RNMT: variants seen among roughly 807,000 people sequenced by gnomAD.
RNMT encodes the protein mRNA cap guanine-N(7) methyltransferase.
A neutral mutation model predicts 56.0 loss-of-function variants in RNMT; 27 were observed. That is an observed-to-expected ratio of 0.48 (90% CI 0.36 to 0.67). RNMT has a LOEUF of 0.67. Ranked by LOEUF, RNMT falls within the 30% of genes least tolerant of loss-of-function variation. RNMT has a pLI of 0.00. For synonymous variants in RNMT, 184 were observed against 176.2 expected (o/e 1.04, Z -0.35); for missense variants, 519 against 552.1 (o/e 0.94, Z 0.60).
At chr18:13,734,825 A>G (rs969425905) in intron 4 of RNMT, among the ~76,000 whole-genome samples, 3 of 152,204 alleles carry the variant, frequency 2.0e-5, no homozygotes, top group Non-Finnish European at 4.4e-5. Context: ...ACCTAGTACT[A>G]TTAAGTAATG....
chr18:13,752,449 T>C, intron 10 of RNMT, 22 bp downstream of exon 10: 1 of 1,404,536 alleles, frequency 7.1e-7, no homozygotes, highest in Non-Finnish European at 1.0e-6. Flanking sequence ...TTTATGAAAG[T>C]ATTTTATAGA....
intron 9 of RNMT, among the ~76,000 whole-genome samples, chr18:13,749,358 T>A (rs556870119): frequency 7.1e-4 from 108 of 152,320 alleles, no homozygotes; most frequent in African/African-American, 2.6e-3. Flanking sequence ...TAGAGCCCTT[T>A]GTTGGGATGT....
chr18:13,762,967 G>T lies in RNMT; in HGVS notation c.*2988G>T, dbSNP rs2044638044. The T allele has an allele frequency of 2.6e-6, 1 of 387,280 alleles. No individual in the cohort carries two copies. The highest frequency in any genetic ancestry group is 2.1e-5 in the African/African-American group (1 of 47,432). 24.0% of individuals were successfully genotyped at this position (387,280 alleles called of 1,614,324 possible). A position where few individuals can be genotyped will look rare whatever the true frequency, so the allele number is the denominator to read the frequency against. ...TTTTTTGTTGAAAAACTGACTTTCTGTTGTCTACCTCAGGCCTTGTGCATT... is the reference window on the plus strand; with the variant it reads ...TTTTTTGTTGAAAAACTGACTTTCTTTTGTCTACCTCAGGCCTTGTGCATT... On this transcript the variant is annotated 3_prime_UTR_variant, in exon 12 of 12. Transcript: ENST00000383314.
chr18:13,763,489 C>A lies in RNMT; in HGVS notation c.*3510C>A, dbSNP rs1007982313. 2 of 178,956 alleles carry A rather than the reference C, an allele frequency of 1.1e-5. No individual in the cohort carries two copies. The highest frequency in any genetic ancestry group is 4.7e-5 in the African/African-American group (2 of 43,002). The allele number at this position is 178,956 out of a possible 1,614,324, so 11.1% of individuals were successfully genotyped here. A position where few individuals can be genotyped will look rare whatever the true frequency, so the allele number is the denominator to read the frequency against. On this transcript the variant is annotated 3_prime_UTR_variant, in exon 12 of 12. Coordinates refer to ENST00000383314, the MANE Select transcript of RNMT (RefSeq NM_003799.3). The stretch of plus-strand genomic sequence containing the variant: ...GGAGACTTGAGCAAGCCCTAAAGTC[C>A]CCTGCTCCCTGGACTTCTCCTGGGT...
At position 13,751,147 on chromosome 18, in the gene RNMT, T is replaced by C. The variant is rs546902350; in HGVS notation, c.1258-1179T>C. On this transcript the variant is annotated intron_variant, in intron 9 of 11. Transcript: ENST00000383314. The stretch of plus-strand genomic sequence containing the variant: ...AATTAAACTAAATTAGATGTACTTA[T>C]GCACAGCAAAAGAAACTATCATCAG... Among the ~76,000 whole-genome samples the C allele has an allele frequency of 3.3e-5, 5 of 152,306 alleles. No homozygotes were observed. The East Asian group carries it at 5.8e-4, about 18-fold the overall frequency.
At chr18:13,747,249 T>C (rs558148348) in intron 9 of RNMT, among the ~76,000 whole-genome samples, 161 of 150,578 alleles carry the variant, frequency 1.1e-3, no homozygotes, top group African/African-American at 3.8e-3. Context: ...AATGACAGGA[T>C]CTCGCTCTGT....
At chr18:13,745,434 T>C (rs147008275) in intron 8 of RNMT, among the ~76,000 whole-genome samples, 128 of 152,286 alleles carry the variant, frequency 8.4e-4, no homozygotes, top group Admixed American at 4.8e-3. Context: ...GAAATTGATG[T>C]TTTCTAGGTA....
intron 8 of RNMT, 55 bp downstream of exon 8, chr18:13,742,707 G>T: frequency 7.7e-7 from 1 of 1,299,744 alleles, no homozygotes. Context: ...GGAAAGAAAA[G>T]CGGGGAAAAG....
chr18:13,752,361 T>G lies in RNMT; in HGVS notation c.1293T>G (p.Ser431=), dbSNP rs780137989. 3 of 1,613,320 alleles carry G rather than the reference T, an allele frequency of 1.9e-6. No individual in the cohort carries two copies. Among genetic ancestry groups the G allele is most frequent in the Non-Finnish European group, 2.5e-6 (3 of 1,179,374 alleles). ...YPANESSKLV[S]EKVDDYEHAA... ...CAAATGAGAGTTCTAAACTTGTCTCTGAGAAGGTGGATGACTATGAACATG... is the reference window on the plus strand; with the variant it reads ...CAAATGAGAGTTCTAAACTTGTCTCGGAGAAGGTGGATGACTATGAACATG... The change falls in exon 10 of 12, where the codon TCT becomes TCG. Residue 431 remains serine (S), a synonymous_variant. Coordinates refer to ENST00000383314, the MANE Select transcript of RNMT (RefSeq NM_003799.3).
At chr18:13,734,069 G>A (rs990080438) in intron 3 of RNMT, among the ~76,000 whole-genome samples, 7 of 152,122 alleles carry the variant, frequency 4.6e-5, no homozygotes, top group Admixed American at 2.6e-4. Flanking sequence ...TAAGTCTCAC[G>A]AGATCTGATG....
At chr18:13,728,634 C>T (rs2044015406) in intron 1 of RNMT, among the ~76,000 whole-genome samples, 1 of 152,024 alleles carries the variant, frequency 6.6e-6, no homozygotes, top group Non-Finnish European at 1.5e-5. Flanking sequence ...CCGTGACGGC[C>T]TCAGCATCCA....
At chr18:13,751,185 A>G (rs1013978741) in intron 9 of RNMT, among the ~76,000 whole-genome samples, 2 of 152,246 alleles carry the variant, frequency 1.3e-5, no homozygotes, top group African/African-American at 2.4e-5. Context: ...TGAACAGGCA[A>G]CCTACAGAAT....
chr18:13,760,956 G>A lies in RNMT; in HGVS notation c.*977G>A, dbSNP rs2044612146. ...CTGCTTTTCCAAAACTGGTACTTAT[G>A]TGAACTGTTGTCCTTGCTTTACACC... On this transcript the variant is annotated 3_prime_UTR_variant, in exon 12 of 12. Coordinates refer to ENST00000383314, the MANE Select transcript of RNMT (RefSeq NM_003799.3). 2.0e-6 allele frequency: 2 copies of A among 985,292 alleles called. No individual in the cohort carries two copies. The highest frequency in any genetic ancestry group is 6.1e-5 in the Admixed American group (1 of 16,264). 61.0% of individuals were successfully genotyped at this position (985,292 alleles called of 1,614,324 possible). A position where few individuals can be genotyped will look rare whatever the true frequency, so the allele number is the denominator to read the frequency against.
chr18:13,726,975 CGAA>C (rs2043966540), intron 1 of RNMT: 1 of 152,266 alleles, frequency 6.6e-6, no homozygotes, highest in Admixed American at 6.5e-5. Flanking sequence ...AGAAGCAGCT[CGAA>C]GAGCTGCTCC....
At chr18:13,741,164 A>T (rs2044245122) in intron 6 of RNMT, among the ~76,000 whole-genome samples, 3 of 149,230 alleles carry the variant, frequency 2.0e-5, no homozygotes, top group African/African-American at 7.4e-5. Flanking sequence ...TGCATTTTTT[A>T]AAAAATGCCA....
chr18:13,750,411 T>C (rs2044421359), intron 9 of RNMT, among the ~76,000 whole-genome samples: 1 of 152,112 alleles, frequency 6.6e-6, no homozygotes, highest in South Asian at 2.1e-4. Context: ...TGGCTAACAG[T>C]AGAGAAGGTG....
chr18:13,751,604 A>G (rs1265137717), intron 9 of RNMT, among the ~76,000 whole-genome samples: 2 of 152,344 alleles, frequency 1.3e-5, no homozygotes, highest in East Asian at 1.9e-4. Flanking sequence ...TGACCCAGCA[A>G]TCCCATTACT....
At position 13,731,612 on chromosome 18, in the gene RNMT, T is replaced by C. The variant is rs1431149770; in HGVS notation, c.95T>C (p.Ile32Thr). The change falls in exon 3 of 12, where the codon ATT becomes ACT. Residue 32 changes from isoleucine (I) to threonine (T), a missense_variant. Ile to Thr is a moderately conservative substitution (Grantham distance 89). Transcript: ENST00000383314. Reference protein sequence around the residue: ...VNSETESSFNINENTTASGTG... With the variant: ...VNSETESSFNTNENTTASGTG... ...TCTGAAACAGAGTCTTCATTCAATA[T>C]TAATGAAAACACAACAGCTTCTGGG... The C allele has an allele frequency of 6.2e-7, 1 of 1,614,092 alleles. No homozygotes were observed. Among genetic ancestry groups the C allele is most frequent in the South Asian group, 1.1e-5 (1 of 91,082 alleles).
chr18:13,732,180 A>G (rs2044081655), intron 3 of RNMT, among the ~76,000 whole-genome samples: 1 of 151,784 alleles, frequency 6.6e-6, no homozygotes. Context: ...TGTTTATCTT[A>G]TTTTAGAATA....
Sources: allele counts gnomAD v4.1 joint callset (sites outside exome capture counted in the v4.1 genomes callset), GRCh38; gene constraint gnomAD v4.1.1; transcripts MANE v1.5; gene names NCBI Gene and HGNC (gene_info 2026-07-23, HGNC 2026-07-21).